Variants in MTUS2 observed in about 807,000 individuals in gnomAD.
The protein encoded by MTUS2 is microtubule associated scaffold protein 2, also known as microtubule-associated tumor suppressor candidate 2.
MTUS2 carries 40 observed loss-of-function variants against 114.1 expected under a neutral mutation model. The observed-to-expected ratio is 0.35, with a 90% CI of 0.27 to 0.46. MTUS2 has a LOEUF of 0.46. Among genes scored for constraint, MTUS2 ranks in the 20% least tolerant of loss-of-function variants. The probability of loss-of-function intolerance (pLI) is 1.00; values close to 1 mark genes in which losing one functional copy is unlikely to be tolerated. For missense variants in MTUS2, 1,679 were observed against 1,705.4 expected (o/e 0.98, Z 0.27); for synonymous variants, 688 against 672.0 (o/e 1.02, Z -0.37).
intron 14 of MTUS2, among the ~76,000 whole-genome samples, chr13:29,500,657 T>G (rs561679725): frequency 6.6e-6 from 1 of 152,286 alleles, no homozygotes; most frequent in South Asian, 2.1e-4. Context: ...AGGATGCTGC[T>G]GCAGTGTGGT....
chr13:29,242,185 C>G (rs1896757565), intron 5 of MTUS2, among the ~76,000 whole-genome samples: 1 of 152,134 alleles, frequency 6.6e-6, no homozygotes, highest in African/African-American at 2.4e-5. Context: ...ATAACCATAT[C>G]TAGTTTAGAA....
At chr13:29,135,041 C>G (rs1327609414) in intron 5 of MTUS2, among the ~76,000 whole-genome samples, 1 of 152,206 alleles carries the variant, frequency 6.6e-6, no homozygotes, top group African/African-American at 2.4e-5. Context: ...CAGAAATAAA[C>G]AATTCATAGG....
Position 28,869,555 on chromosome 13 carries a change from G to A in MTUS2, c.-243+29705G>A, listed in dbSNP as rs531203796. Among the ~76,000 whole-genome samples, 43 of 152,172 alleles carry A rather than the reference G, an allele frequency of 2.8e-4. No homozygotes were observed. The South Asian group carries it at 6.8e-3, about 24-fold the overall frequency. On this transcript the variant is annotated intron_variant, in intron 2 of 15. Transcript: ENST00000612955. ...TGGGAGGCTGAGGTGGGTGGATCACGGGGTCAAGAAATAGAGACCATTCTG... is the reference window on the plus strand; with the variant it reads ...TGGGAGGCTGAGGTGGGTGGATCACAGGGTCAAGAAATAGAGACCATTCTG...
At chr13:29,407,001 T>G (rs1874804473) in intron 8 of MTUS2, among the ~76,000 whole-genome samples, 3 of 152,198 alleles carry the variant, frequency 2.0e-5, no homozygotes, top group Admixed American at 2.0e-4. Context: ...ATCCCAGCAC[T>G]TTGGGAGGCC....
At chr13:28,873,516 C>T (rs1005088587) in intron 2 of MTUS2, among the ~76,000 whole-genome samples, 6 of 152,206 alleles carry the variant, frequency 3.9e-5, no homozygotes, top group Non-Finnish European at 7.3e-5. Context: ...GAACTGACAA[C>T]ATATAAAATT....
At chr13:29,004,921 T>C (rs1371962160) in intron 2 of MTUS2, among the ~76,000 whole-genome samples, 1 of 152,100 alleles carries the variant, frequency 6.6e-6, no homozygotes, top group African/African-American at 2.4e-5. Flanking sequence ...ATAAAATGCA[T>C]AGGAATTCAG....
At chr13:29,360,384 T>C (rs1025828985) in intron 8 of MTUS2, among the ~76,000 whole-genome samples, 1 of 152,288 alleles carries the variant, frequency 6.6e-6, no homozygotes, top group Non-Finnish European at 1.5e-5. Flanking sequence ...TTTTTGGCCT[T>C]TTATGACATC....
At chr13:29,336,462 C>T (rs754069780) in intron 7 of MTUS2, among the ~76,000 whole-genome samples, 9 of 152,312 alleles carry the variant, frequency 5.9e-5, no homozygotes, top group Non-Finnish European at 1.0e-4. Flanking sequence ...CTGGGTATCA[C>T]GAGCGGAGGC....
At chr13:29,227,451 A>G (rs754666846) in intron 5 of MTUS2, among the ~76,000 whole-genome samples, 3 of 152,140 alleles carry the variant, frequency 2.0e-5, no homozygotes, top group Non-Finnish European at 4.4e-5. Context: ...TCGCTGTCTT[A>G]AGCTGCACCA....
intron 4 of MTUS2, among the ~76,000 whole-genome samples, chr13:29,042,616 AT>A (rs1336311728): frequency 6.6e-6 from 1 of 151,686 alleles, no homozygotes; most frequent in Non-Finnish European, 1.5e-5. Flanking sequence ...CTTGTTGGCA[AT>A]TTTTTTTATT....
At chr13:28,979,977 C>T (rs1275860383) in intron 2 of MTUS2, among the ~76,000 whole-genome samples, 1 of 152,104 alleles carries the variant, frequency 6.6e-6, no homozygotes, top group East Asian at 1.9e-4. Context: ...TAGGGAGGTA[C>T]TCTCTTGCTT....
intron 5 of MTUS2, among the ~76,000 whole-genome samples, chr13:29,264,072 C>T (rs1406647973): frequency 6.6e-6 from 1 of 152,240 alleles, no homozygotes; most frequent in Non-Finnish European, 1.5e-5. Flanking sequence ...TATCGACTTC[C>T]AATATGCAAT....
Position 28,905,326 on chromosome 13 carries a change from T to A in MTUS2, c.-243+65476T>A, listed in dbSNP as rs201360836. ...AGTGGTGACAGAGGGCATCCCTGTCTTGTGCCTCTTTTCGAAGGGAATGCT... is the reference window on the plus strand; with the variant it reads ...AGTGGTGACAGAGGGCATCCCTGTCATGTGCCTCTTTTCGAAGGGAATGCT... On this transcript the variant is annotated intron_variant, in intron 2 of 15. Transcript: ENST00000612955. Among the ~76,000 whole-genome samples the A allele has an allele frequency of 4.9e-4, 75 of 151,752 alleles. 1 individual carries two copies. In the East Asian group the frequency reaches 0.012, roughly 24 times the overall value.
At chr13:29,424,773 A>G (rs950091683) in intron 8 of MTUS2, among the ~76,000 whole-genome samples, 2 of 152,150 alleles carry the variant, frequency 1.3e-5, no homozygotes, top group Non-Finnish European at 2.9e-5. Flanking sequence ...CAAATCCAGC[A>G]TGTAGGACAT....
intron 5 of MTUS2, among the ~76,000 whole-genome samples, chr13:29,223,017 C>T (rs1007820341): frequency 6.6e-6 from 1 of 152,176 alleles, no homozygotes; most frequent in Non-Finnish European, 1.5e-5. Flanking sequence ...CCCACAGACA[C>T]CCCTTGGCAC....
At chr13:28,878,243 GTATA>G (rs746993039) in intron 2 of MTUS2, among the ~76,000 whole-genome samples, 1 of 147,204 alleles carries the variant, frequency 6.8e-6, no homozygotes, top group Non-Finnish European at 1.5e-5. Flanking sequence ...GTATATATAT[GTATA>G]TATGTGTGTG....
At chr13:29,281,121 C>G (rs1898247910) in intron 5 of MTUS2, among the ~76,000 whole-genome samples, 1 of 152,160 alleles carries the variant, frequency 6.6e-6, no homozygotes, top group African/African-American at 2.4e-5. Context: ...AAACAGAAAG[C>G]CTGCTTGAGT....
chr13:29,192,144 G>A (rs1832444066), intron 5 of MTUS2, among the ~76,000 whole-genome samples: 1 of 152,190 alleles, frequency 6.6e-6, no homozygotes, highest in Non-Finnish European at 1.5e-5. Flanking sequence ...TTCAGTTTGT[G>A]TGTGTGCTGT....
chr13:29,055,766 G>A (rs1378523990), intron 4 of MTUS2, among the ~76,000 whole-genome samples: 1 of 152,036 alleles, frequency 6.6e-6, no homozygotes, highest in Non-Finnish European at 1.5e-5. Context: ...GTGTGAGATG[G>A]TAGTTCATTG....
Sources: gnomAD v4.1 joint callset for allele counts (sites outside exome capture counted in the v4.1 genomes callset) on GRCh38, gnomAD v4.1.1 for gene constraint, MANE v1.5 for transcripts, NCBI Gene and HGNC (gene_info 2026-07-23, HGNC 2026-07-21) for gene names.